The following RAB38 variants were observed in gnomAD, a reference collection of about 807,000 sequenced individuals.
RAB38 encodes RAB38, member RAS oncogene family.
RAB38 carries 15 observed loss-of-function variants against 18.4 expected under a neutral mutation model. The ratio of observed to expected loss-of-function variants is 0.82; its 90% CI spans 0.55 to 1.26. The LOEUF is 1.26. RAB38 is among the 50% of genes most tolerant of loss of function. The pLI, the probability that RAB38 is intolerant of heterozygous loss-of-function variation, is 0.00. For missense variants in RAB38, 294 were observed against 267.4 expected (o/e 1.10, Z -0.69); for synonymous variants, 101 against 104.4 (o/e 0.97, Z 0.20).
At chr11:87,900,130 T>A in the RAB38 span, among the ~76,000 whole-genome samples, 2 of 151,610 alleles carry the variant, frequency 1.3e-5, no homozygotes, top group South Asian at 4.1e-4. Flanking sequence ...TATAAGAAAC[T>A]CTTTAAAAAA....
the RAB38 span, among the ~76,000 whole-genome samples, chr11:88,104,004 CAG>C: frequency 3.9e-5 from 6 of 152,086 alleles, no homozygotes; most frequent in African/African-American, 7.2e-5. Flanking sequence ...AGTGATTTCC[CAG>C]AGAGTGGTTT....
chr11:87,972,173 T>C, the RAB38 span, among the ~76,000 whole-genome samples: 19 of 151,938 alleles, frequency 1.3e-4, no homozygotes, highest in South Asian at 2.1e-4. Context: ...AAATAAATGA[T>C]TGAAAATATT....
At chr11:87,888,880 A>C in the RAB38 span, among the ~76,000 whole-genome samples, 1 of 151,976 alleles carries the variant, frequency 6.6e-6, no homozygotes, top group Non-Finnish European at 1.5e-5. Flanking sequence ...CAATGGAGGC[A>C]TAGGCTACTT....
chr11:88,024,242 C>T, the RAB38 span, among the ~76,000 whole-genome samples: 2 of 152,074 alleles, frequency 1.3e-5, no homozygotes, highest in Non-Finnish European at 2.9e-5. Context: ...ATAGACATTT[C>T]TCAAAAGAAG....
the RAB38 span, among the ~76,000 whole-genome samples, chr11:88,065,980 C>T: frequency 2.0e-5 from 3 of 152,178 alleles, no homozygotes. Flanking sequence ...ACTCCTGCCT[C>T]ATTTAAGGCA....
the RAB38 span, among the ~76,000 whole-genome samples, chr11:88,082,961 T>C: frequency 6.6e-6 from 1 of 151,890 alleles, no homozygotes; most frequent in African/African-American, 2.4e-5. Context: ...GGTCTTCTAG[T>C]TCTCCTGACA....
the RAB38 span, among the ~76,000 whole-genome samples, chr11:88,087,981 G>A: frequency 6.6e-6 from 1 of 151,886 alleles, no homozygotes; most frequent in South Asian, 2.1e-4. Context: ...AAAAAGGGTG[G>A]TGGTCCATCT....
intron 2 of RAB38, among the ~76,000 whole-genome samples, chr11:88,138,044 G>T (rs904283272): frequency 6.6e-6 from 1 of 152,164 alleles, no homozygotes; most frequent in African/African-American, 2.4e-5. Flanking sequence ...GCAGCAGGAG[G>T]CTATGTTCCA....
chr11:88,064,849 G>A, the RAB38 span, among the ~76,000 whole-genome samples: 1 of 152,016 alleles, frequency 6.6e-6, no homozygotes, highest in African/African-American at 2.4e-5. Flanking sequence ...CCTACTGTTT[G>A]TCAAATATTA....
chr11:87,874,487 C>T, the RAB38 span, among the ~76,000 whole-genome samples: 6,057 of 150,754 alleles, frequency 0.04, 405 homozygotes, highest in African/African-American at 0.14. Flanking sequence ...CATCACACAC[C>T]GGGGCCTGTT....
the RAB38 span, among the ~76,000 whole-genome samples, chr11:88,023,024 AG>A: frequency 6.6e-6 from 1 of 152,136 alleles, no homozygotes; most frequent in East Asian, 1.9e-4. Flanking sequence ...GAGGAAGGAG[AG>A]GATCAGGAAA....
the RAB38 span, among the ~76,000 whole-genome samples, chr11:88,019,195 A>G: frequency 6.6e-6 from 1 of 152,120 alleles, no homozygotes; most frequent in Non-Finnish European, 1.5e-5. Flanking sequence ...CAGTTTTTAA[A>G]ATTTTTCCAC....
At chr11:88,161,624 T>G (rs1046853120) in intron 1 of RAB38, among the ~76,000 whole-genome samples, 1 of 152,066 alleles carries the variant, frequency 6.6e-6, no homozygotes, top group African/African-American at 2.4e-5. Flanking sequence ...AAATTCAAAT[T>G]AAGGCTCCTT....
At chr11:88,119,343 T>C (rs1942600098) in intron 2 of RAB38, among the ~76,000 whole-genome samples, 1 of 152,158 alleles carries the variant, frequency 6.6e-6, no homozygotes. Flanking sequence ...AAAGTTGAAA[T>C]TTAAACAAAT....
At chr11:88,076,534 A>C in the RAB38 span, among the ~76,000 whole-genome samples, 2 of 152,336 alleles carry the variant, frequency 1.3e-5, no homozygotes, top group Admixed American at 1.3e-4. Flanking sequence ...TAAAGACTCC[A>C]TCAGAAAACC....
the RAB38 span, among the ~76,000 whole-genome samples, chr11:88,079,549 T>C: frequency 6.6e-6 from 1 of 151,810 alleles, no homozygotes; most frequent in Admixed American, 6.6e-5. Flanking sequence ...ACTGGTCACC[T>C]GATATTATGA....
chr11:88,038,199 T>C, the RAB38 span, among the ~76,000 whole-genome samples: 2 of 152,126 alleles, frequency 1.3e-5, no homozygotes, highest in South Asian at 2.1e-4. Context: ...GCTGGGGTTT[T>C]CCCCAGCAGA....
At chr11:88,133,742 G>T (rs1054420603) in intron 2 of RAB38, among the ~76,000 whole-genome samples, 1 of 151,900 alleles carries the variant, frequency 6.6e-6, no homozygotes, top group Non-Finnish European at 1.5e-5. Flanking sequence ...TTTTTTTCTT[G>T]TCCAAAATCT....
chr11:87,856,057 TAAAAC>T, the RAB38 span, among the ~76,000 whole-genome samples: 20 of 152,274 alleles, frequency 1.3e-4, 1 homozygote, highest in Middle Eastern at 0.01. Context: ...ATTTCAAACT[TAAAAC>T]AATTAAAGGT....
Sources: gnomAD v4.1 joint callset for allele counts (sites outside exome capture counted in the v4.1 genomes callset) on GRCh38, gnomAD v4.1.1 for gene constraint, MANE v1.5 for transcripts, NCBI Gene and HGNC (gene_info 2026-07-23, HGNC 2026-07-21) for gene names.